Variants in TMCO4 observed in about 807,000 individuals in gnomAD.
TMCO4 encodes transmembrane and coiled-coil domains 4, also known as transmembrane and coiled-coil domain-containing protein 4.
Under a neutral mutation model 64.7 loss-of-function variants are expected in TMCO4, and 58 were observed. The observed-to-expected ratio is 0.90, with a 90% CI of 0.73 to 1.12. TMCO4 has a LOEUF of 1.12. Ranked by LOEUF, TMCO4 falls within the 50% of genes most tolerant of loss-of-function variation. The probability of loss-of-function intolerance (pLI) is 0.00; values close to 1 mark genes in which losing one functional copy is unlikely to be tolerated. For synonymous variants in TMCO4, 325 were observed against 346.1 expected, an observed-to-expected ratio of 0.94 and a Z score of 0.68; for missense variants, 780 against 825.9, an observed-to-expected ratio of 0.94 and a Z score of 0.68.
At chr1:19,742,835 A>G (rs1320719108) in intron 10 of TMCO4, among the ~76,000 whole-genome samples, 2 of 152,276 alleles carry the variant, frequency 1.3e-5, no homozygotes, top group African/African-American at 2.4e-5. Context: ...GTGGATCATG[A>G]GGTGAAGGGA....
intron 13 of TMCO4, among the ~76,000 whole-genome samples, chr1:19,730,995 TAAAC>T (rs1209219454): frequency 6.6e-6 from 1 of 152,188 alleles, no homozygotes; most frequent in African/African-American, 2.4e-5. Context: ...AATTGGGTGT[TAAAC>T]AGCAGGGCTG....
At chr1:19,791,618 T>A (rs1018170724) in intron 2 of TMCO4, among the ~76,000 whole-genome samples, 3 of 152,222 alleles carry the variant, frequency 2.0e-5, no homozygotes, top group African/African-American at 7.2e-5. Flanking sequence ...GGATCTCAAG[T>A]GTGTCTGAGA....
chr1:19,730,393 T>A (rs1476976923), intron 13 of TMCO4, among the ~76,000 whole-genome samples: 4 of 152,226 alleles, frequency 2.6e-5, no homozygotes, highest in African/African-American at 9.6e-5. Flanking sequence ...TGGGGATGTT[T>A]GTCACTGCGG....
At chr1:19,704,770 G>C (rs575185367) in intron 13 of TMCO4, among the ~76,000 whole-genome samples, 7 of 152,172 alleles carry the variant, frequency 4.6e-5, no homozygotes, top group Non-Finnish European at 1.0e-4. Flanking sequence ...CAGGATCCAC[G>C]GACAGCTGAG....
At chr1:19,775,679 G>T (rs2043175828) in intron 4 of TMCO4, among the ~76,000 whole-genome samples, 1 of 152,192 alleles carries the variant, frequency 6.6e-6, no homozygotes, top group Non-Finnish European at 1.5e-5. Context: ...CTGGCCCTTG[G>T]CAGAAGACGT....
intron 4 of TMCO4, among the ~76,000 whole-genome samples, chr1:19,778,825 C>T (rs1168579398): frequency 6.6e-6 from 1 of 152,148 alleles, no homozygotes; most frequent in Admixed American, 6.5e-5. Flanking sequence ...GAGCTGTGTG[C>T]AAGGCACTGG....
At position 19,694,537 on chromosome 1, in the gene TMCO4, A is replaced by G; in HGVS notation, c.1397T>C (p.Leu466Pro). The change falls in exon 15 of 16, where the codon CTG (leucine) becomes CCG (proline). Residue 466 changes from leucine (L) to proline (P), a missense_variant. Transcript: ENST00000294543. ...CGAGGATGTGCGGTACACGAAACTC[A>G]GCAGCCAGTCTCCCCTGTGGGAGGG... The part of the protein sequence containing the change: ...INGYCRGDWL[L>P]SFVYRTSSVQ... 1 of 1,613,992 alleles carries G rather than the reference A, an allele frequency of 6.2e-7. No individual in the cohort carries two copies. The highest frequency in any genetic ancestry group is 8.5e-7 in the Non-Finnish European group (1 of 1,179,874).
intron 10 of TMCO4, among the ~76,000 whole-genome samples, chr1:19,742,283 C>T (rs964312428): frequency 2.6e-5 from 4 of 152,210 alleles, no homozygotes; most frequent in African/African-American, 9.7e-5. Context: ...TTGACGTGTG[C>T]CTCTCCTACA....
At chr1:19,718,665 A>AAAAAAAAAAAAGAG (rs1450808804) in intron 13 of TMCO4, among the ~76,000 whole-genome samples, 2 of 146,250 alleles carry the variant, frequency 1.4e-5, no homozygotes, top group African/African-American at 5.4e-5. Context: ...AAAAAAAAAA[A>AAAAAAAAAAAAGAG]AGAGAGAGAG....
At position 19,737,430 on chromosome 1, in the gene TMCO4, GC is replaced by G; in HGVS notation, c.1205del (p.Gly402AlafsTer65). 1 of 1,614,002 alleles carries G rather than the reference GC, an allele frequency of 6.2e-7. No individual in the cohort carries two copies. The highest frequency in any genetic ancestry group is 8.5e-7 in the Non-Finnish European group (1 of 1,179,970). The stretch of plus-strand genomic sequence containing the variant: ...AGATGACTCTGGCTCCCAGGCTGAA[GC>G]CAATCAAGGTGACAGGTCGTCGCCC... ...QQGRRPVTLIGFSLGARVIYF... is the reference protein window; with the variant it reads ...QQGRRPVTLIXFSLGARVIYF... On this transcript the variant is annotated frameshift_variant, in exon 13 of 16. Transcript: ENST00000294543. LOFTEE classifies it high-confidence loss of function.
At chr1:19,791,608 G>A (rs2044042278) in intron 2 of TMCO4, among the ~76,000 whole-genome samples, 4 of 152,222 alleles carry the variant, frequency 2.6e-5, no homozygotes, top group Admixed American at 2.0e-4. Context: ...AAATAAAACT[G>A]GATCTCAAGT....
intron 7 of TMCO4, among the ~76,000 whole-genome samples, chr1:19,755,281 G>T (rs997208406): frequency 2.6e-5 from 4 of 152,194 alleles, no homozygotes; most frequent in South Asian, 2.1e-4. Context: ...ACATGCCAGC[G>T]TGCCCGGCTA....
chr1:19,694,624 T>C (rs2095223418), intron 14 of TMCO4, 73 bp from the exon 15 acceptor site: 1 of 1,436,994 alleles, frequency 7.0e-7, no homozygotes, highest in African/African-American at 1.4e-5. Context: ...CGGGCCAGGC[T>C]GCCTCCTGGG....
intron 6 of TMCO4, among the ~76,000 whole-genome samples, chr1:19,760,915 G>A (rs1359364154): frequency 2.6e-5 from 4 of 152,210 alleles, no homozygotes; most frequent in African/African-American, 9.7e-5. Context: ...CCAAATGCAG[G>A]GGACAGTTCT....
At chr1:19,708,403 A>T (rs1035429679) in intron 13 of TMCO4, among the ~76,000 whole-genome samples, 20 of 128,060 alleles carry the variant, frequency 1.6e-4, no homozygotes, top group South Asian at 4.6e-4. Flanking sequence ...ATACATAAAT[A>T]AAAAAAAAAA....
intron 15 of TMCO4, among the ~76,000 whole-genome samples, chr1:19,693,906 C>T (rs987639923): frequency 5.3e-5 from 8 of 152,040 alleles, no homozygotes; most frequent in Admixed American, 1.3e-4. Context: ...GGGGGGGACT[C>T]GGGAGTGGGG....
chr1:19,694,488 T>A lies in TMCO4; in HGVS notation c.1446A>T (p.Leu482=). Residue 482 remains leucine (L), a synonymous_variant, in exon 15 of 16, where the codon CTA becomes CTT. Transcript: ENST00000294543. ...TCCTGTCCTGCAGCAGCACGGGCTG[T>A]AGGCCGGCGACACGGAGCTGCACCG... is the stretch of plus-strand genomic sequence containing the variant. The part of the protein sequence containing the change: ...TSSVQLRVAG[L]QPVLLQDRRV... 1 of 1,614,090 alleles carries A rather than the reference T, an allele frequency of 6.2e-7. No individual in the cohort carries two copies. The highest frequency in any genetic ancestry group is 8.5e-7 in the Non-Finnish European group (1 of 1,179,972).
chr1:19,735,859 G>A (rs1269553724), intron 13 of TMCO4, among the ~76,000 whole-genome samples: 1 of 152,192 alleles, frequency 6.6e-6, no homozygotes, highest in Non-Finnish European at 1.5e-5. Flanking sequence ...GAGAGGGAAA[G>A]ATGACAAGGA....
intron 13 of TMCO4, among the ~76,000 whole-genome samples, chr1:19,713,386 T>C (rs999317762): frequency 9.2e-5 from 14 of 151,922 alleles, no homozygotes; most frequent in African/African-American, 3.4e-4. Context: ...CTCCAAATTC[T>C]CACCCAGGAA....
Sources: allele counts gnomAD v4.1 joint callset (sites outside exome capture counted in the v4.1 genomes callset), GRCh38; gene constraint gnomAD v4.1.1; transcripts MANE v1.5; gene names NCBI Gene and HGNC (gene_info 2026-07-23, HGNC 2026-07-21).